The following AKAP13 variants were observed in gnomAD, a reference collection of about 807,000 sequenced individuals.
AKAP13 encodes the protein A-kinase anchor protein 13.
In AKAP13, 80 loss-of-function variants were observed where a neutral mutation model predicts 264.5. The ratio of observed to expected loss-of-function variants is 0.30; its 90% CI spans 0.25 to 0.36. The LOEUF (loss-of-function observed/expected upper bound fraction) is 0.36, where lower values mean the gene tolerates loss of function less well. AKAP13 is among the 10% of genes least tolerant of loss of function. The pLI is 1.00. For synonymous variants in AKAP13, 1,380 were observed against 1,250.2 expected (o/e 1.10, Z -2.19); for missense variants, 3,712 against 3,435.2 (o/e 1.08, Z -2.01).
intron 5 of AKAP13, among the ~76,000 whole-genome samples, chr15:85,558,515 A>C (rs1338457156): frequency 6.6e-6 from 1 of 152,148 alleles, no homozygotes; most frequent in Non-Finnish European, 1.5e-5. Flanking sequence ...GTGCCTGAAG[A>C]TGGGGGTCCT....
At chr15:85,615,034 G>T (rs1210603115) in intron 8 of AKAP13, among the ~76,000 whole-genome samples, 1 of 152,138 alleles carries the variant, frequency 6.6e-6, no homozygotes, top group Non-Finnish European at 1.5e-5. Flanking sequence ...TCACAAAGCT[G>T]TTGGTAATTT....
At chr15:85,655,129 T>A (rs1438167396) in intron 10 of AKAP13, among the ~76,000 whole-genome samples, 1 of 151,560 alleles carries the variant, frequency 6.6e-6, no homozygotes, top group African/African-American at 2.4e-5. Flanking sequence ...GAGGCGGAGG[T>A]TGTGGTGAGC....
chr15:85,635,563 G>C (rs529703180), intron 8 of AKAP13, among the ~76,000 whole-genome samples: 29 of 151,978 alleles, frequency 1.9e-4, no homozygotes, highest in African/African-American at 6.5e-4. Flanking sequence ...AAGTTTTTAA[G>C]GTTGACATAG....
chr15:85,572,331 G>A (rs189830446), intron 5 of AKAP13, among the ~76,000 whole-genome samples: 7 of 152,310 alleles, frequency 4.6e-5, no homozygotes, highest in Admixed American at 4.6e-4. Context: ...AATAAGGCAT[G>A]TTAGTGACTA....
At chr15:85,401,507 A>G (rs1241942407) in intron 1 of AKAP13, among the ~76,000 whole-genome samples, 1 of 152,204 alleles carries the variant, frequency 6.6e-6, no homozygotes, top group Admixed American at 6.5e-5. Flanking sequence ...TTGGGCTTAA[A>G]TCTCAGAAGT....
intron 1 of AKAP13, among the ~76,000 whole-genome samples, chr15:85,484,286 TA>T (rs140479756): frequency 0.22 from 33,074 of 152,156 alleles, 3,779 homozygotes; most frequent in African/African-American, 0.29. Context: ...TTTGTTCTTC[TA>T]AAAATGTTGG....
chr15:85,397,171 TA>T (rs2071159037), intron 1 of AKAP13, among the ~76,000 whole-genome samples: 1 of 152,164 alleles, frequency 6.6e-6, no homozygotes, highest in Non-Finnish European at 1.5e-5. Context: ...GCAATGTATT[TA>T]AAAACAGTGT....
chr15:85,581,348 G>A lies in AKAP13; in HGVS notation c.3280G>A (p.Val1094Ile). ...SGDVTVDVTG[V>I]NALQGMAEPR... ...AGATGTGACGGTGGATGTTACAGGG[G>A]TTAATGCTCTACAAGGTATGGCTGA... Residue 1094 changes from valine to isoleucine, a missense_variant, in exon 7 of 37, where the codon GTT becomes ATT. By Grantham distance (29) the Val-to-Ile change is conservative. Coordinates refer to ENST00000394518, the MANE Select transcript of AKAP13 (RefSeq NM_007200.5). 6.2e-7 allele frequency: 1 copy of A among 1,614,194 alleles called. No homozygotes were observed.
At chr15:85,425,439 G>A (rs141834391) in intron 1 of AKAP13, among the ~76,000 whole-genome samples, 179 of 152,216 alleles carry the variant, frequency 1.2e-3, no homozygotes, top group African/African-American at 4.2e-3. Flanking sequence ...CTAGAGGCTG[G>A]TCCTGGTGGC....
chr15:85,443,474 A>G (rs2073784201), intron 1 of AKAP13, among the ~76,000 whole-genome samples: 1 of 152,176 alleles, frequency 6.6e-6, no homozygotes, highest in Non-Finnish European at 1.5e-5. Context: ...CCTACTCAGC[A>G]AGGATCCTTC....
chr15:85,617,355 T>C (rs759806709), intron 8 of AKAP13, among the ~76,000 whole-genome samples: 4 of 152,188 alleles, frequency 2.6e-5, no homozygotes, highest in Non-Finnish European at 5.9e-5. Flanking sequence ...ACGATTCTCC[T>C]GCCTCAGCCT....
rs867842882 is a variant in AKAP13 at position 85,629,393 on chromosome 15, A to G, written c.4162-9981A>G. Among the ~76,000 whole-genome samples, 55 of 152,248 alleles carry G rather than the reference A, an allele frequency of 3.6e-4. No individual in the cohort carries two copies. The South Asian group carries it at 6.0e-3, about 17-fold the overall frequency. ...CTCAGGTTTTTTATGGGTCTAGTAAAGGGAAGCAGGGCTGTAATCCTCAGG... is the reference window on the plus strand; with the variant it reads ...CTCAGGTTTTTTATGGGTCTAGTAAGGGGAAGCAGGGCTGTAATCCTCAGG... On this transcript the variant is annotated intron_variant, in intron 8 of 36. Coordinates refer to ENST00000394518, the MANE Select transcript of AKAP13 (RefSeq NM_007200.5).
intron 1 of AKAP13, among the ~76,000 whole-genome samples, chr15:85,409,366 CAG>C (rs1314349627): frequency 1.3e-5 from 2 of 151,278 alleles, no homozygotes; most frequent in Non-Finnish European, 1.5e-5. Context: ...TTAGTGGAGA[CAG>C]GGTTTCATCA....
intron 30 of AKAP13, among the ~76,000 whole-genome samples, chr15:85,734,429 T>C (rs1437281306): frequency 6.6e-6 from 1 of 152,182 alleles, no homozygotes; most frequent in Non-Finnish European, 1.5e-5. Flanking sequence ...TGCTATTGGT[T>C]CCCTCCCTTA....
At chr15:85,562,778 C>A (rs1484873025) in intron 5 of AKAP13, among the ~76,000 whole-genome samples, 116 of 144,206 alleles carry the variant, frequency 8.0e-4, no homozygotes, top group Non-Finnish European at 1.4e-3. Flanking sequence ...TCACTCCAAC[C>A]TCTGCCTCCT....
At chr15:85,672,039 A>G (rs1269451593) in intron 14 of AKAP13, among the ~76,000 whole-genome samples, 1 of 152,182 alleles carries the variant, frequency 6.6e-6, no homozygotes, top group Non-Finnish European at 1.5e-5. Flanking sequence ...CTAACTCCCC[A>G]AAGCGCTATT....
chr15:85,525,803 G>C (rs2077018865), intron 3 of AKAP13, among the ~76,000 whole-genome samples: 1 of 152,112 alleles, frequency 6.6e-6, no homozygotes, highest in Non-Finnish European at 1.5e-5. Flanking sequence ...ATAATTGTTG[G>C]GGTGGGATGG....
chr15:85,694,685 T>C (rs2085471682), intron 17 of AKAP13, among the ~76,000 whole-genome samples: 3 of 152,208 alleles, frequency 2.0e-5, no homozygotes, highest in South Asian at 2.1e-4. Context: ...AAGTAGTATT[T>C]GTAGAGCATA....
chr15:85,685,002 G>A lies in AKAP13; in HGVS notation c.5289+129G>A, dbSNP rs191322848. ...AAATTCAGGATTACTCTCCGAAATC[G>A]CCTAATATTTAAAGGAAAATAATAA... On this transcript the variant is annotated intron_variant, in intron 16 of 36. Coordinates refer to ENST00000394518, the MANE Select transcript of AKAP13 (RefSeq NM_007200.5). 6.7e-5 allele frequency: 79 copies of A among 1,177,934 alleles called. No individual in the cohort carries two copies. The South Asian group carries it at 7.2e-4, about 11-fold the overall frequency. 73.0% of individuals were successfully genotyped at this position (1,177,934 alleles called of 1,614,324 possible). A position where few individuals can be genotyped will look rare whatever the true frequency, so the allele number is the denominator to read the frequency against.
Sources: gnomAD v4.1 joint callset for allele counts (sites outside exome capture counted in the v4.1 genomes callset) on GRCh38, gnomAD v4.1.1 for gene constraint, MANE v1.5 for transcripts, NCBI Gene and HGNC (gene_info 2026-07-23, HGNC 2026-07-21) for gene names.